Variants in TMEM132D observed in about 807,000 individuals in gnomAD.
TMEM132D encodes mature OL transmembrane protein.
A neutral mutation model predicts 62.3 loss-of-function variants in TMEM132D; 21 were observed. That is an observed-to-expected ratio of 0.34 (90% CI 0.24 to 0.49). The LOEUF (loss-of-function observed/expected upper bound fraction) is 0.49. Among genes scored for constraint, TMEM132D ranks in the 20% least tolerant of loss-of-function variants. The pLI, the probability that TMEM132D is intolerant of heterozygous loss-of-function variation, is 0.99. For missense variants in TMEM132D, 1,346 were observed against 1,402.8 expected (o/e 0.96, Z 0.65); for synonymous variants, 621 against 575.6 (o/e 1.08, Z -1.13).
At chr12:129,420,306 GTTTTTTTTTTTT>G (rs71082709) in intron 3 of TMEM132D, among the ~76,000 whole-genome samples, 3 of 112,300 alleles carry the variant, frequency 2.7e-5, no homozygotes, top group African/African-American at 4.0e-5. Flanking sequence ...CACGTTCTCT[GTTTTTTTTTTTT>G]TTTTTTTTTT....
intron 5 of TMEM132D, among the ~76,000 whole-genome samples, chr12:129,141,770 G>A (rs1339483450): frequency 1.3e-5 from 2 of 152,056 alleles, no homozygotes; most frequent in Non-Finnish European, 1.5e-5. Context: ...GCTAGAGCAG[G>A]GAGGGAGGAA....
rs1159376194 is a variant in TMEM132D at position 129,364,788 on chromosome 12, A to C, written c.1116-26971T>G. ...TGACCACAATCGGAAAGGTCTCTGC[A>C]CTCATGGAGACCACATTCCAGTGGA... On this transcript the variant is annotated intron_variant, in intron 3 of 8. Coordinates refer to ENST00000422113, the MANE Select transcript of TMEM132D (RefSeq NM_133448.3). Among the ~76,000 whole-genome samples the C allele has an allele frequency of 5.3e-5, 8 of 152,304 alleles. No individual in the cohort carries two copies. In the East Asian group the frequency reaches 1.5e-3, roughly 29 times the overall value.
intron 2 of TMEM132D, among the ~76,000 whole-genome samples, chr12:129,658,158 C>T (rs547085100): frequency 5.9e-5 from 9 of 152,160 alleles, no homozygotes; most frequent in South Asian, 2.1e-4. Flanking sequence ...AAAAACTATG[C>T]GAAGACAATA....
At chr12:129,891,599 T>G (rs1323201950) in intron 1 of TMEM132D, among the ~76,000 whole-genome samples, 1 of 152,208 alleles carries the variant, frequency 6.6e-6, no homozygotes, top group Non-Finnish European at 1.5e-5. Flanking sequence ...AAAGCTCTCC[T>G]CATACTTTTT....
intron 4 of TMEM132D, among the ~76,000 whole-genome samples, chr12:129,245,083 T>C (rs988210384): frequency 3.3e-5 from 5 of 152,204 alleles, no homozygotes; most frequent in Non-Finnish European, 7.3e-5. Context: ...CTAGAGTCCA[T>C]AGTTTGTATT....
At chr12:129,794,011 T>A (rs994781023) in intron 1 of TMEM132D, among the ~76,000 whole-genome samples, 3 of 152,158 alleles carry the variant, frequency 2.0e-5, no homozygotes, top group Non-Finnish European at 2.9e-5. Context: ...TTGGATTTTT[T>A]AACTTATTCC....
Position 129,766,388 on chromosome 12 carries a change from A to G in TMEM132D, c.80-65690T>C, listed in dbSNP as rs1181905309. On this transcript the variant is annotated intron_variant, in intron 1 of 8. Transcript: ENST00000422113. The stretch of plus-strand genomic sequence containing the variant: ...TTGAAATTTTGAAATGTGTTAAAAT[A>G]CACATACCATAACATTTACTATCTT... 1.6e-4 allele frequency among the ~76,000 whole-genome samples: 24 copies of G among 152,208 alleles called. 1 individual carries two copies. The highest frequency in any genetic ancestry group is 1.6e-3 in the Admixed American group (24 of 15,282).
intron 1 of TMEM132D, among the ~76,000 whole-genome samples, chr12:129,756,195 G>A (rs987394725): frequency 6.6e-6 from 1 of 152,068 alleles, no homozygotes; most frequent in African/African-American, 2.4e-5. Context: ...AGGTTCCGGG[G>A]GTCTTCTGCT....
intron 5 of TMEM132D, among the ~76,000 whole-genome samples, chr12:129,177,776 A>G (rs1021079691): frequency 2.0e-5 from 3 of 152,100 alleles, no homozygotes; most frequent in Non-Finnish European, 2.9e-5. Context: ...ATTTTTTTAA[A>G]TTTTAAGTTC....
At chr12:129,217,448 T>C (rs2094451858) in intron 4 of TMEM132D, among the ~76,000 whole-genome samples, 1 of 151,654 alleles carries the variant, frequency 6.6e-6, no homozygotes, top group South Asian at 2.1e-4. Flanking sequence ...TTGGAGGAGG[T>C]TAGAGGGGGC....
chr12:129,217,256 A>G (rs1879231560), intron 4 of TMEM132D, among the ~76,000 whole-genome samples: 1 of 152,244 alleles, frequency 6.6e-6, no homozygotes, highest in Non-Finnish European at 1.5e-5. Flanking sequence ...TTGCAGGGAC[A>G]TGGTTGGAGC....
chr12:129,213,067 G>A (rs1048520453), intron 4 of TMEM132D, among the ~76,000 whole-genome samples: 3 of 152,206 alleles, frequency 2.0e-5, no homozygotes, highest in Admixed American at 2.0e-4. Flanking sequence ...GGAAAAGGAG[G>A]CTACTAACAA....
Position 129,859,140 on chromosome 12 carries a change from G to C in TMEM132D, c.79+44121C>G, listed in dbSNP as rs114849837. ...CATCCGTTCCACCACGTGAGGACACGGTGAGAAGGTGCCATCTCCGAACCA... is the reference window on the plus strand; with the variant it reads ...CATCCGTTCCACCACGTGAGGACACCGTGAGAAGGTGCCATCTCCGAACCA... On this transcript the variant is annotated intron_variant, in intron 1 of 8. Transcript: ENST00000422113. 3.8e-3 allele frequency among the ~76,000 whole-genome samples: 582 copies of C among 152,278 alleles called. 3 individuals are homozygous for C. Among genetic ancestry groups the C allele is most frequent in the African/African-American group, 0.013 (552 of 41,546 alleles).
chr12:129,400,648 T>A, intron 3 of TMEM132D, among the ~76,000 whole-genome samples: 1 of 152,168 alleles, frequency 6.6e-6, no homozygotes, highest in East Asian at 1.9e-4. Flanking sequence ...ATCCAATTAA[T>A]GAACCTCAGC....
intron 3 of TMEM132D, among the ~76,000 whole-genome samples, chr12:129,407,394 T>G (rs546096730): frequency 1.6e-4 from 25 of 152,308 alleles, no homozygotes; most frequent in African/African-American, 5.1e-4. Flanking sequence ...CTATCCTCTC[T>G]CCGTCTCTGG....
At chr12:129,275,937 A>G (rs1880993449) in intron 4 of TMEM132D, among the ~76,000 whole-genome samples, 1 of 152,222 alleles carries the variant, frequency 6.6e-6, no homozygotes. Flanking sequence ...GATTTGGTAG[A>G]TAGGAACAGC....
At chr12:129,612,730 C>T (rs60924770) in intron 2 of TMEM132D, among the ~76,000 whole-genome samples, 1,569 of 152,170 alleles carry the variant, frequency 0.01, 19 homozygotes, top group African/African-American at 0.035. Flanking sequence ...TGGCCCCAGG[C>T]AACTCATCTG....
intron 1 of TMEM132D, among the ~76,000 whole-genome samples, chr12:129,713,794 G>A (rs608561): frequency 0.27 from 41,766 of 152,184 alleles, 6,158 homozygotes; most frequent in Middle Eastern, 0.36. Context: ...CAGGCTTGCC[G>A]TGGCTGGGCC....
chr12:129,679,768 T>G (rs1880733657), intron 2 of TMEM132D, among the ~76,000 whole-genome samples: 1 of 152,128 alleles, frequency 6.6e-6, no homozygotes, highest in African/African-American at 2.4e-5. Context: ...TTTATTAAAT[T>G]TATATTTTAA....
Sources: allele counts gnomAD v4.1 joint callset (sites outside exome capture counted in the v4.1 genomes callset), GRCh38; gene constraint gnomAD v4.1.1; transcripts MANE v1.5; gene names NCBI Gene and HGNC (gene_info 2026-07-23, HGNC 2026-07-21).